Variants in MACROD2 observed in about 807,000 individuals in gnomAD.
The protein encoded by MACROD2 is mono-ADP ribosylhydrolase 2, also known as ADP-ribose glycohydrolase MACROD2.
A neutral mutation model predicts 70.4 loss-of-function variants in MACROD2; 36 were observed. The observed-to-expected ratio is 0.51, with a 90% confidence interval of 0.39 to 0.68. MACROD2 has a LOEUF of 0.68. MACROD2 is among the 30% of genes least tolerant of loss of function. The pLI is 0.00. For missense variants in MACROD2, 496 were observed against 538.4 expected, an observed-to-expected ratio of 0.92 and a Z score of 0.78; for synonymous variants, 172 against 178.8, an observed-to-expected ratio of 0.96 and a Z score of 0.30.
intron 5 of MACROD2, among the ~76,000 whole-genome samples, chr20:15,107,540 C>T (rs930292911): frequency 6.6e-6 from 1 of 151,514 alleles, no homozygotes; most frequent in Non-Finnish European, 1.5e-5. Flanking sequence ...CGTCTTTATG[C>T]TTCCTATCTT....
At chr20:15,014,220 T>C (rs1568530880) in intron 5 of MACROD2, among the ~76,000 whole-genome samples, 1 of 152,236 alleles carries the variant, frequency 6.6e-6, no homozygotes, top group Non-Finnish European at 1.5e-5. Flanking sequence ...GTTACCTTTA[T>C]AATGGTATAA....
At chr20:15,509,649 G>A (rs1169315167) in intron 8 of MACROD2, among the ~76,000 whole-genome samples, 2 of 152,182 alleles carry the variant, frequency 1.3e-5, no homozygotes, top group Non-Finnish European at 2.9e-5. Context: ...GTGGTAAGAG[G>A]TAGGGTGCAG....
intron 4 of MACROD2, among the ~76,000 whole-genome samples, chr20:14,681,373 A>T (rs1033986806): frequency 6.6e-6 from 1 of 152,254 alleles, no homozygotes; most frequent in Non-Finnish European, 1.5e-5. Context: ...TTCACAGATG[A>T]ATGGATAAAG....
intron 6 of MACROD2, among the ~76,000 whole-genome samples, chr20:15,365,083 CTT>C: frequency 6.6e-6 from 1 of 152,032 alleles, no homozygotes; most frequent in East Asian, 1.9e-4. Flanking sequence ...CTGAGACTTG[CTT>C]TTTAGGTCAA....
At chr20:14,911,714 A>G (rs780974382) in intron 5 of MACROD2, among the ~76,000 whole-genome samples, 65 of 152,126 alleles carry the variant, frequency 4.3e-4, no homozygotes, top group Non-Finnish European at 7.4e-4. Context: ...TTGCTGATAG[A>G]GATCAGCTCA....
At chr20:14,056,993 A>T (rs1191892586) in intron 2 of MACROD2, among the ~76,000 whole-genome samples, 3 of 152,102 alleles carry the variant, frequency 2.0e-5, no homozygotes, top group Non-Finnish European at 4.4e-5. Context: ...AATATATTTT[A>T]TTCTTCATCA....
chr20:15,140,214 T>G (rs2076181453), intron 5 of MACROD2, among the ~76,000 whole-genome samples: 1 of 152,174 alleles, frequency 6.6e-6, no homozygotes, highest in Admixed American at 6.5e-5. Flanking sequence ...CTGACCCTCC[T>G]TTTTCCCTCC....
chr20:15,270,509 C>T (rs1600176031), intron 6 of MACROD2, among the ~76,000 whole-genome samples: 1 of 152,164 alleles, frequency 6.6e-6, no homozygotes, highest in East Asian at 1.9e-4. Context: ...TGGAACTGTT[C>T]TGCATCCTGA....
At chr20:15,021,047 T>TAC (rs1010399617) in intron 5 of MACROD2, among the ~76,000 whole-genome samples, 6 of 144,582 alleles carry the variant, frequency 4.1e-5, no homozygotes, top group East Asian at 2.1e-4. Context: ...CGTATATGCA[T>TAC]ACACATGTGC....
At chr20:15,707,643 C>T (rs192585826) in intron 8 of MACROD2, among the ~76,000 whole-genome samples, 3 of 151,886 alleles carry the variant, frequency 2.0e-5, no homozygotes, top group East Asian at 1.9e-4. Context: ...ATTAGCTGAG[C>T]GTGGTGGCGG....
chr20:15,067,429 A>G (rs2075585874), intron 5 of MACROD2, among the ~76,000 whole-genome samples: 1 of 152,118 alleles, frequency 6.6e-6, no homozygotes, highest in Non-Finnish European at 1.5e-5. Flanking sequence ...AGCTCACTGC[A>G]ACCTTTGTCT....
intron 3 of MACROD2, among the ~76,000 whole-genome samples, chr20:14,176,109 A>G (rs1028212791): frequency 1.3e-5 from 2 of 152,190 alleles, no homozygotes; most frequent in Non-Finnish European, 2.9e-5. Flanking sequence ...TCCCAATGCC[A>G]TTACCTAAAA....
intron 5 of MACROD2, among the ~76,000 whole-genome samples, chr20:14,951,280 G>A (rs1367964133): frequency 2.0e-5 from 3 of 152,032 alleles, no homozygotes; most frequent in African/African-American, 4.8e-5. Flanking sequence ...TTACAGAACT[G>A]GGGTATCAAG....
intron 5 of MACROD2, among the ~76,000 whole-genome samples, chr20:14,751,689 G>A (rs2071872789): frequency 6.6e-6 from 1 of 152,092 alleles, no homozygotes; most frequent in Admixed American, 6.6e-5. Flanking sequence ...CCTTCTCATG[G>A]GAAGAGCAGA....
At chr20:14,385,575 G>T (rs1244138363) in intron 3 of MACROD2, among the ~76,000 whole-genome samples, 11 of 152,258 alleles carry the variant, frequency 7.2e-5, no homozygotes, top group African/African-American at 2.6e-4. Flanking sequence ...TAAAGTTTTA[G>T]TATCTGTTTC....
At chr20:14,614,543 A>G (rs1354421237) in intron 4 of MACROD2, among the ~76,000 whole-genome samples, 2 of 152,154 alleles carry the variant, frequency 1.3e-5, no homozygotes, top group African/African-American at 4.8e-5. Context: ...TGACTAAATT[A>G]TAAACTTCCT....
chr20:14,660,653 A>G (rs1266637128), intron 4 of MACROD2, among the ~76,000 whole-genome samples: 1 of 152,136 alleles, frequency 6.6e-6, no homozygotes, highest in Non-Finnish European at 1.5e-5. Flanking sequence ...AGTAGCGAAC[A>G]TAGAACCTGA....
intron 6 of MACROD2, among the ~76,000 whole-genome samples, chr20:15,342,819 T>C (rs1427812457): frequency 6.6e-6 from 1 of 152,104 alleles, no homozygotes; most frequent in Admixed American, 6.6e-5. Flanking sequence ...TGTGACCTTA[T>C]TATGGAAATA....
intron 5 of MACROD2, among the ~76,000 whole-genome samples, chr20:15,014,260 T>A (rs1162088952): frequency 6.6e-6 from 1 of 152,180 alleles, no homozygotes; most frequent in African/African-American, 2.4e-5. Context: ...TAAAATGTTA[T>A]CACAAGTGGC....
Sources: allele counts gnomAD v4.1 joint callset (sites outside exome capture counted in the v4.1 genomes callset), GRCh38; gene constraint gnomAD v4.1.1; transcripts MANE v1.5; gene names NCBI Gene and HGNC (gene_info 2026-07-23, HGNC 2026-07-21).